The following AOPEP variants were observed in gnomAD, a reference collection of about 807,000 sequenced individuals.
AOPEP encodes the protein aminopeptidase O (putative).
In AOPEP, 77 loss-of-function variants were observed where a neutral mutation model predicts 98.1. That is an observed-to-expected ratio of 0.78 (90% confidence interval 0.65 to 0.95). The LOEUF is 0.95. AOPEP is among the 40% of genes least tolerant of loss of function. The pLI is 0.00. For synonymous variants in AOPEP, 346 were observed against 365.3 expected, an observed-to-expected ratio of 0.95 and a Z score of 0.60; for missense variants, 1,024 against 1,024.7, an observed-to-expected ratio of 1.00 and a Z score of 0.01.
chr9:94,909,763 G>A (rs146372664), intron 5 of AOPEP, among the ~76,000 whole-genome samples: 1 of 152,202 alleles, frequency 6.6e-6, no homozygotes, highest in Admixed American at 6.5e-5. Flanking sequence ...GGTGTCTGTT[G>A]GTTCTGAGGT....
the AOPEP span, chr9:95,150,172 C>T: frequency 7.0e-7 from 1 of 1,423,166 alleles, no homozygotes; most frequent in Admixed American, 1.8e-5. Flanking sequence ...CTAAAAAGGT[C>T]AAAGACAGAT....
the AOPEP span, among the ~76,000 whole-genome samples, chr9:95,095,767 C>T: frequency 6.8e-6 from 1 of 146,568 alleles, no homozygotes; most frequent in Non-Finnish European, 1.5e-5. Context: ...TTCGTGAGAT[C>T]GGCATCCTCT....
chr9:94,957,247 G>A (rs1267382164), intron 9 of AOPEP, among the ~76,000 whole-genome samples: 3 of 151,910 alleles, frequency 2.0e-5, no homozygotes, highest in Non-Finnish European at 4.4e-5. Flanking sequence ...CTCCTCTGTC[G>A]CCTAGGCTGG....
chr9:94,778,675 G>C (rs1016692311), intron 3 of AOPEP, among the ~76,000 whole-genome samples: 1 of 152,086 alleles, frequency 6.6e-6, no homozygotes, highest in Non-Finnish European at 1.5e-5. Flanking sequence ...TGTTCATGGG[G>C]GTAATGATTA....
the AOPEP span, among the ~76,000 whole-genome samples, chr9:95,102,852 A>G: frequency 6.6e-6 from 1 of 152,198 alleles, no homozygotes; most frequent in Non-Finnish European, 1.5e-5. Flanking sequence ...GGTGTGGACC[A>G]TGACGTTCGC....
intron 13 of AOPEP, among the ~76,000 whole-genome samples, chr9:95,015,704 G>A (rs539256280): frequency 3.7e-4 from 57 of 152,298 alleles, no homozygotes; most frequent in South Asian, 6.2e-4. Flanking sequence ...TCATCACTTT[G>A]GGTATTTTCA....
intron 5 of AOPEP, among the ~76,000 whole-genome samples, chr9:94,851,789 C>T (rs1251021622): frequency 6.7e-6 from 1 of 148,798 alleles, no homozygotes; most frequent in Non-Finnish European, 1.5e-5. Context: ...ACTGCAACTC[C>T]TAGAATACTG....
intron 5 of AOPEP, among the ~76,000 whole-genome samples, chr9:94,829,077 C>T (rs1855339212): frequency 6.6e-6 from 1 of 151,964 alleles, no homozygotes; most frequent in Non-Finnish European, 1.5e-5. Context: ...CCATGTTGGC[C>T]AGGCTAGTCT....
intron 1 of AOPEP, among the ~76,000 whole-genome samples, chr9:94,732,472 T>A (rs1474621698): frequency 6.6e-6 from 1 of 152,194 alleles, no homozygotes; most frequent in Non-Finnish European, 1.5e-5. Flanking sequence ...CTCATACAAA[T>A]TTTTCAGGAA....
intron 5 of AOPEP, among the ~76,000 whole-genome samples, chr9:94,899,345 C>T (rs1356345337): frequency 6.8e-6 from 1 of 148,052 alleles, no homozygotes; most frequent in Non-Finnish European, 1.5e-5. Flanking sequence ...CCACCACGCC[C>T]GGCTATTTTT....
At chr9:95,071,587 G>C (rs1159895375) in intron 14 of AOPEP, among the ~76,000 whole-genome samples, 1 of 152,170 alleles carries the variant, frequency 6.6e-6, no homozygotes, top group Non-Finnish European at 1.5e-5. Flanking sequence ...CTCCAGGATT[G>C]CCGTGGAAGA....
intron 5 of AOPEP, among the ~76,000 whole-genome samples, chr9:94,919,664 C>T (rs1030452665): frequency 2.0e-5 from 3 of 152,070 alleles, no homozygotes; most frequent in Non-Finnish European, 4.4e-5. Flanking sequence ...AGGCTATGAA[C>T]CTAAGAGGGG....
chr9:95,006,169 A>G (rs1378026835), intron 13 of AOPEP: 1 of 455,542 alleles, frequency 2.2e-6, no homozygotes, highest in Admixed American at 2.5e-5. Flanking sequence ...CTGTCTTTTG[A>G]TTTTGTATTA....
At chr9:95,012,410 C>T (rs2062598550) in intron 13 of AOPEP, among the ~76,000 whole-genome samples, 2 of 152,056 alleles carry the variant, frequency 1.3e-5, no homozygotes, top group Admixed American at 6.6e-5. Context: ...TGTTAGAGTT[C>T]GGCTGGAAAA....
intron 5 of AOPEP, among the ~76,000 whole-genome samples, chr9:94,816,977 G>A (rs1851837612): frequency 1.3e-5 from 2 of 152,158 alleles, no homozygotes; most frequent in African/African-American, 4.8e-5. Context: ...TTAGGGTCAT[G>A]TTCTCTTACC....
At chr9:95,123,962 G>A in the AOPEP span, 1 of 367,846 alleles carries the variant, frequency 2.7e-6, no homozygotes, top group South Asian at 2.2e-5. Flanking sequence ...AAGTAGCCAT[G>A]AGTGGTGACA....
intron 10 of AOPEP, among the ~76,000 whole-genome samples, chr9:94,970,818 C>T (rs2059492041): frequency 1.3e-5 from 2 of 151,786 alleles, no homozygotes; most frequent in East Asian, 1.9e-4. Flanking sequence ...TTCTTCGTAC[C>T]TACCCCGGAA....
At chr9:95,016,465 A>G (rs922814094) in intron 13 of AOPEP, among the ~76,000 whole-genome samples, 3 of 151,072 alleles carry the variant, frequency 2.0e-5, no homozygotes, top group African/African-American at 7.3e-5. Flanking sequence ...CTGGTGCTGA[A>G]CTCCTGACCT....
Position 94,858,682 on chromosome 9 carries a change from G to T in AOPEP, c.1364+57680G>T, listed in dbSNP as rs191231669. ...CTCACTGATGTGATGGGATTAGGAG[G>T]TGGGGCCTTTGGGAGGTGATTAGGT... On this transcript the variant is annotated intron_variant, in intron 5 of 16. Transcript: ENST00000375315. Among the ~76,000 whole-genome samples, 397 of 152,276 alleles carry T rather than the reference G, an allele frequency of 2.6e-3. 4 individuals carry two copies. Among genetic ancestry groups the T allele is most frequent in the African/African-American group, 9.1e-3 (377 of 41,544 alleles).
Sources: gnomAD v4.1 joint callset for allele counts (sites outside exome capture counted in the v4.1 genomes callset) on GRCh38, gnomAD v4.1.1 for gene constraint, MANE v1.5 for transcripts, NCBI Gene and HGNC (gene_info 2026-07-23, HGNC 2026-07-21) for gene names.